Variants in MCTP2 observed in about 807,000 individuals in gnomAD.
The protein encoded by MCTP2 is multiple C2 and transmembrane domain containing 2.
MCTP2 carries 132 observed loss-of-function variants against 111.6 expected under a neutral mutation model. The ratio of observed to expected loss-of-function variants is 1.18; its 90% CI spans 1.03 to 1.37. MCTP2 has a LOEUF of 1.37. Ranked by LOEUF, MCTP2 falls within the 40% of genes most tolerant of loss-of-function variation. MCTP2 has a pLI of 0.00. For missense variants in MCTP2, 1,183 were observed against 1,067.9 expected (o/e 1.11, Z -1.50); for synonymous variants, 395 against 387.7 (o/e 1.02, Z -0.22).
At chr15:94,283,855 A>T (rs190434938) in intron 1 of MCTP2, among the ~76,000 whole-genome samples, 2 of 152,156 alleles carry the variant, frequency 1.3e-5, no homozygotes, top group African/African-American at 2.4e-5. Flanking sequence ...CCAAAACACA[A>T]TACATTAAAA....
At chr15:94,394,744 G>A (rs1364340715) in intron 14 of MCTP2, among the ~76,000 whole-genome samples, 1 of 151,914 alleles carries the variant, frequency 6.6e-6, no homozygotes, top group Admixed American at 6.6e-5. Context: ...CAGCCTGGGC[G>A]ACAGGGTGAG....
intron 2 of MCTP2, among the ~76,000 whole-genome samples, chr15:94,303,693 G>A (rs987754714): frequency 1.1e-4 from 17 of 152,126 alleles, no homozygotes; most frequent in African/African-American, 4.1e-4. Context: ...GGAATTATGG[G>A]AGCTACAAGA....
chr15:94,297,611 C>T (rs2075333804), intron 1 of MCTP2, among the ~76,000 whole-genome samples: 1 of 152,106 alleles, frequency 6.6e-6, no homozygotes, highest in African/African-American at 2.4e-5. Context: ...AAGCAGGGAT[C>T]AGCAAGCCAC....
chr15:94,251,638 C>T (rs150872893), intron 1 of MCTP2, among the ~76,000 whole-genome samples: 1,933 of 152,212 alleles, frequency 0.013, 40 homozygotes, highest in African/African-American at 0.042. Context: ...GGATTATAGG[C>T]GTGAGCCACC....
At chr15:94,402,594 A>G (rs1185083854) in intron 17 of MCTP2, 1 of 1,551,242 alleles carries the variant, frequency 6.4e-7, no homozygotes, top group Non-Finnish European at 8.7e-7. Flanking sequence ...GCTGCAAGAG[A>G]TCTTAAAACC....
At chr15:94,260,032 C>A (rs1431360514) in intron 1 of MCTP2, among the ~76,000 whole-genome samples, 2 of 152,156 alleles carry the variant, frequency 1.3e-5, no homozygotes, top group East Asian at 3.8e-4. Flanking sequence ...ACTTTCTCTT[C>A]CCCTTTGGCT....
intron 2 of MCTP2, among the ~76,000 whole-genome samples, chr15:94,305,416 AGAG>A (rs2075831534): frequency 6.6e-6 from 1 of 152,204 alleles, no homozygotes; most frequent in Non-Finnish European, 1.5e-5. Context: ...TTGTGGCTAA[AGAG>A]GAGGTAAGAG....
intron 1 of MCTP2, among the ~76,000 whole-genome samples, chr15:94,237,316 C>G (rs2070638134): frequency 6.6e-6 from 1 of 152,260 alleles, no homozygotes. Flanking sequence ...GATGAATCCT[C>G]CACTCTCTTT....
chr15:94,438,555 T>A (rs149018917), intron 17 of MCTP2, among the ~76,000 whole-genome samples: 185 of 152,222 alleles, frequency 1.2e-3, no homozygotes, highest in African/African-American at 4.2e-3. Context: ...ACAAATACAA[T>A]ACTTCACCAT....
chr15:94,446,625 C>G (rs1567724287), intron 19 of MCTP2, among the ~76,000 whole-genome samples: 1 of 152,146 alleles, frequency 6.6e-6, no homozygotes, highest in Non-Finnish European at 1.5e-5. Context: ...CTTTTTCCAG[C>G]CCAACAATCA....
At chr15:94,370,233 A>C in intron 12 of MCTP2, 53 bp downstream of exon 12, 1 of 1,456,868 alleles carries the variant, frequency 6.9e-7, no homozygotes, top group Non-Finnish European at 9.5e-7. Context: ...CTGCTTTGAA[A>C]CAATCTCCTG....
intron 1 of MCTP2, among the ~76,000 whole-genome samples, chr15:94,256,935 A>G (rs2072809993): frequency 6.6e-6 from 1 of 152,060 alleles, no homozygotes; most frequent in Non-Finnish European, 1.5e-5. Context: ...ATCCATGACA[A>G]ATCAAATCAA....
At chr15:94,455,338 A>G (rs2084752897) in intron 19 of MCTP2, among the ~76,000 whole-genome samples, 1 of 152,232 alleles carries the variant, frequency 6.6e-6, no homozygotes, top group African/African-American at 2.4e-5. Context: ...TGAAGTATAT[A>G]CAGATTTCAA....
chr15:94,243,378 T>C (rs62641043), intron 1 of MCTP2, among the ~76,000 whole-genome samples: 24,003 of 89,152 alleles, frequency 0.27, 5,638 homozygotes, highest in African/African-American at 0.31. Flanking sequence ...CGTATGTACA[T>C]ACATACGTAT....
intron 1 of MCTP2, among the ~76,000 whole-genome samples, chr15:94,238,155 G>A (rs1294169563): frequency 2.0e-5 from 3 of 152,014 alleles, no homozygotes; most frequent in South Asian, 2.1e-4. Context: ...TATTTGGCTC[G>A]GAATAAATCT....
intron 17 of MCTP2, among the ~76,000 whole-genome samples, chr15:94,425,527 G>A (rs1269591500): frequency 6.6e-6 from 1 of 151,292 alleles, no homozygotes; most frequent in Non-Finnish European, 1.5e-5. Flanking sequence ...AAAAACAGCA[G>A]AATGATACCA....
chr15:94,397,786 A>G (rs2081355400), intron 14 of MCTP2, among the ~76,000 whole-genome samples: 1 of 152,216 alleles, frequency 6.6e-6, no homozygotes, highest in Non-Finnish European at 1.5e-5. Context: ...ATAGTCATTT[A>G]AAATATGGCT....
chr15:94,243,244 T>A (rs568165548), intron 1 of MCTP2, among the ~76,000 whole-genome samples: 1 of 149,400 alleles, frequency 6.7e-6, no homozygotes, highest in Non-Finnish European at 1.5e-5. Flanking sequence ...TACACATGCG[T>A]ATATGCGTAT....
At chr15:94,430,374 A>C (rs1191961734) in intron 17 of MCTP2, among the ~76,000 whole-genome samples, 1 of 145,790 alleles carries the variant, frequency 6.9e-6, no homozygotes, top group Non-Finnish European at 1.5e-5. Flanking sequence ...AAAAACAAAC[A>C]AAAAAAACCC....
Sources: gnomAD v4.1 joint callset for allele counts (sites outside exome capture counted in the v4.1 genomes callset) on GRCh38, gnomAD v4.1.1 for gene constraint, MANE v1.5 for transcripts, NCBI Gene and HGNC (gene_info 2026-07-23, HGNC 2026-07-21) for gene names.